Variants in PDIA6 observed in about 807,000 individuals in gnomAD.
PDIA6 encodes the protein protein disulfide isomerase family A member 6, also known as protein disulfide-isomerase A6.
In PDIA6, 29 loss-of-function variants were observed where a neutral mutation model predicts 58.4. The ratio of observed to expected loss-of-function variants is 0.50; its 90% confidence interval spans 0.37 to 0.68. The LOEUF is 0.68. PDIA6 is among the 30% of genes least tolerant of loss of function. The pLI, the probability that PDIA6 is intolerant of heterozygous loss-of-function variation, is 0.00. For synonymous variants in PDIA6, 192 were observed against 202.6 expected (o/e 0.95, Z 0.44); for missense variants, 480 against 551.0 (o/e 0.87, Z 1.29).
chr2:10,810,308 T>A (rs1435308409), intron 1 of PDIA6: 15 of 1,534,076 alleles, frequency 9.8e-6, no homozygotes, highest in African/African-American at 1.4e-5. Flanking sequence ...AGGGGTATAA[T>A]CCACAGAGCA....
At position 10,784,937 on chromosome 2, in the gene PDIA6, G is replaced by A. The variant is rs774257550; in HGVS notation, c.1251C>T (p.Gly417=). ...AGCTTCCCTCCCGGGCACTCACCTCGCCATCCCTGCCGTCCCAAGGCTCTC... is the reference window on the plus strand; with the variant it reads ...AGCTTCCCTCCCGGGCACTCACCTCACCATCCCTGCCGTCCCAAGGCTCTC... ...VEREPWDGRD[G]ELPVEDDIDL... is the part of the protein sequence containing the mutation. Residue 417 remains glycine (G), a synonymous_variant, in exon 12 of 13, where the codon GGC becomes GGT. Coordinates refer to ENST00000272227, the MANE Select transcript of PDIA6 (RefSeq NM_005742.4). 2.8e-5 allele frequency: 44 copies of A among 1,578,186 alleles called. No homozygotes were observed. The highest frequency in any genetic ancestry group is 3.0e-5 in the Non-Finnish European group (35 of 1,159,696).
At chr2:10,806,515 C>T (rs1666755058) in intron 1 of PDIA6, among the ~76,000 whole-genome samples, 1 of 150,118 alleles carries the variant, frequency 6.7e-6, no homozygotes, top group Non-Finnish European at 1.5e-5. Flanking sequence ...ATGGCTCACA[C>T]CTATAATCCC....
In PDIA6 at chr2:10,804,674, T is replaced by C. The variant is rs564770920; in HGVS notation, c.20-2034A>G. Among the ~76,000 whole-genome samples, 13 of 133,580 alleles carry C rather than the reference T, an allele frequency of 9.7e-5. No individual in the cohort carries two copies. The East Asian group carries it at 2.5e-3, about 26-fold the overall frequency. 87.6% of individuals were successfully genotyped at this position (133,580 alleles called of 152,430 possible). A position where few individuals can be genotyped will look rare whatever the true frequency, so the allele number is the denominator to read the frequency against. On this transcript the variant is annotated intron_variant, in intron 1 of 12. Transcript: ENST00000272227. ...ATGCGGGCTCTTTTTTGGTTCCATATGAACTTTAAAGTAGTTTTTTCCAAT... is the reference window on the plus strand; with the variant it reads ...ATGCGGGCTCTTTTTTGGTTCCATACGAACTTTAAAGTAGTTTTTTCCAAT...
intron 4 of PDIA6, among the ~76,000 whole-genome samples, chr2:10,794,753 C>A (rs998623401): frequency 6.6e-6 from 1 of 152,012 alleles, no homozygotes; most frequent in South Asian, 2.1e-4. Context: ...ATGGTGAAAC[C>A]CCATCTCTAC....
upstream of PDIA6, among the ~76,000 whole-genome samples, chr2:10,814,047 C>T (rs1446611227): frequency 6.6e-6 from 1 of 152,208 alleles, no homozygotes; most frequent in South Asian, 2.1e-4. Context: ...CTTTCAAGCA[C>T]AAGTTAAGAC....
chr2:10,821,352 C>T (rs1301835934), intron 1 of PDIA6: 1 of 153,808 alleles, frequency 6.5e-6, no homozygotes, highest in Non-Finnish European at 1.4e-5. Context: ...AACAGGTACC[C>T]AGCATTTGAG....
intron 1 of PDIA6, among the ~76,000 whole-genome samples, chr2:10,806,086 G>A (rs1429866437): frequency 6.7e-6 from 1 of 149,818 alleles, no homozygotes; most frequent in African/African-American, 2.5e-5. Context: ...AGAAAATACT[G>A]GCCAGGTGCT....
exon 1 of PDIA6, chr2:10,832,335 T>C (rs953585864): frequency 1.3e-5 from 10 of 778,084 alleles, no homozygotes; most frequent in Non-Finnish European, 1.6e-5. Flanking sequence ...GCTCACACAG[T>C]GCAATGCAGT....
chr2:10,833,014 G>A (rs188690016), upstream of PDIA6, among the ~76,000 whole-genome samples: 49 of 152,160 alleles, frequency 3.2e-4, no homozygotes, highest in Middle Eastern at 0.01. Context: ...AAAAGGCCAA[G>A]TGATGGGTGG....
intron 1 of PDIA6, among the ~76,000 whole-genome samples, chr2:10,803,823 T>A (rs1686432): frequency 6.6e-6 from 1 of 152,064 alleles, no homozygotes; most frequent in African/African-American, 2.4e-5. Context: ...TAATGGAGCT[T>A]AAAAAATCCT....
intron 2 of PDIA6, chr2:10,819,142 G>A (rs1042144665): frequency 2.0e-5 from 12 of 609,490 alleles, no homozygotes; most frequent in Non-Finnish European, 3.5e-5. Context: ...TTAAAGCAGA[G>A]TCACATTCCA....
intron 2 of PDIA6, among the ~76,000 whole-genome samples, chr2:10,817,883 G>C (rs1398148033): frequency 1.3e-5 from 2 of 152,336 alleles, no homozygotes; most frequent in Non-Finnish European, 2.9e-5. Flanking sequence ...CTTGCCACAG[G>C]AGTTTAGCTT....
At chr2:10,837,454 T>C (rs1363925405), upstream of PDIA6, 2 of 660,840 alleles carry the variant, frequency 3.0e-6, no homozygotes, top group East Asian at 5.5e-5. Context: ...AAAAATAAGA[T>C]GAAGCCAGGG....
At chr2:10,828,155 T>G (rs1055032036) in intron 1 of PDIA6, among the ~76,000 whole-genome samples, 2 of 152,144 alleles carry the variant, frequency 1.3e-5, no homozygotes, top group Admixed American at 1.3e-4. Context: ...ACACTTGGTG[T>G]TGTGCATTCT....
At chr2:10,785,638 G>GA (rs1360360932) in intron 11 of PDIA6, among the ~76,000 whole-genome samples, 4 of 151,448 alleles carry the variant, frequency 2.6e-5, no homozygotes, top group South Asian at 2.1e-4. Flanking sequence ...CCTATTATTA[G>GA]AAAAAAAAAT....
chr2:10,812,569 C>T, intron 1 of PDIA6, 109 bp downstream of exon 1: 3 of 1,155,664 alleles, frequency 2.6e-6, no homozygotes, highest in Non-Finnish European at 3.5e-6. Flanking sequence ...GCCCGCCAGG[C>T]CCACTTCCGG....
At chr2:10,793,375 A>G (rs1686518) in intron 4 of PDIA6, among the ~76,000 whole-genome samples, 173 bp from the exon 5 acceptor site, 74,176 of 152,002 alleles carry the variant, frequency 0.49, 19,637 homozygotes, top group Middle Eastern at 0.58. Flanking sequence ...TTTTGCACTA[A>G]ACTTAACACT....
Position 10,812,723 on chromosome 2 carries a change from C to T in PDIA6, c.-27G>A. ...CCGAGCGCCGGGCTACGTGCAGTCC[C>T]CACCGCCGCCGCCGCTTCAGCCCTG... is the stretch of plus-strand genomic sequence containing the variant. On this transcript the variant is annotated 5_prime_UTR_variant, in exon 1 of 13. Transcript: ENST00000272227. 1.3e-6 allele frequency: 2 copies of T among 1,501,388 alleles called. No homozygotes were observed. The highest frequency in any genetic ancestry group is 1.4e-5 in the African/African-American group (1 of 69,246). The allele number at this position is 1,501,388 out of a possible 1,614,324, so 93.0% of individuals were successfully genotyped here.
Position 10,784,034 on chromosome 2 carries a change from A to T in PDIA6, c.*224T>A. 2.6e-6 allele frequency: 1 copy of T among 383,444 alleles called. No homozygotes were observed. Among genetic ancestry groups the T allele is most frequent in the Non-Finnish European group, 4.6e-6 (1 of 215,360 alleles). The allele number at this position is 383,444 out of a possible 1,614,324, so 23.8% of individuals were successfully genotyped here. A position where few individuals can be genotyped will look rare whatever the true frequency, so the allele number is the denominator to read the frequency against. ...TTTCTTCAAAATATTATGTGACAGA[A>T]TACGACTCAATTCACCGGCTACAAC... On this transcript the variant is annotated 3_prime_UTR_variant, in exon 13 of 13. Coordinates refer to ENST00000272227, the MANE Select transcript of PDIA6 (RefSeq NM_005742.4).
Sources: allele counts gnomAD v4.1 joint callset (sites outside exome capture counted in the v4.1 genomes callset), GRCh38; gene constraint gnomAD v4.1.1; transcripts MANE v1.5; gene names NCBI Gene and HGNC (gene_info 2026-07-23, HGNC 2026-07-21).